The following KCNH1 variants were observed in gnomAD, a reference collection of about 807,000 sequenced individuals.
KCNH1 encodes voltage-gated delayed rectifier potassium channel KCNH1.
A neutral mutation model predicts 69.2 loss-of-function variants in KCNH1; 27 were observed. The observed-to-expected ratio is 0.39, with a 90% CI of 0.29 to 0.54. The LOEUF (loss-of-function observed/expected upper bound fraction) is 0.54, where lower values mean the gene tolerates loss of function less well. Ranked by LOEUF, KCNH1 falls within the 20% of genes least tolerant of loss-of-function variation. The pLI, the probability that KCNH1 is intolerant of heterozygous loss-of-function variation, is 0.68. For synonymous variants in KCNH1, 456 were observed against 487.7 expected (o/e 0.93, Z 0.86); for missense variants, 798 against 1,261.6 (o/e 0.63, Z 5.57).
At chr1:210,976,065 C>T (rs1386684503) in intron 6 of KCNH1, among the ~76,000 whole-genome samples, 1 of 152,182 alleles carries the variant, frequency 6.6e-6, no homozygotes, top group Non-Finnish European at 1.5e-5. Context: ...CATCTCACAC[C>T]AGTTAGAATG....
chr1:210,933,868 A>G lies in KCNH1; in HGVS notation c.1033-13799T>C, dbSNP rs140129799. Among the ~76,000 whole-genome samples, 257 of 152,306 alleles carry G rather than the reference A, an allele frequency of 1.7e-3. 1 individual carries two copies. The highest frequency in any genetic ancestry group is 5.9e-3 in the African/African-American group (247 of 41,570). On this transcript the variant is annotated intron_variant, in intron 6 of 10. Transcript: ENST00000271751. ...GACCAATGGATAGAATAAAGAACCCACAAATAAACCCATGTATTTACACCC... is the reference window on the plus strand; with the variant it reads ...GACCAATGGATAGAATAAAGAACCCGCAAATAAACCCATGTATTTACACCC...
chr1:210,805,082 G>A (rs1015634096), intron 7 of KCNH1, among the ~76,000 whole-genome samples: 2 of 152,120 alleles, frequency 1.3e-5, no homozygotes, highest in African/African-American at 4.8e-5. Context: ...GTCACCACGA[G>A]TGTGACCATG....
chr1:210,960,319 A>G (rs1444727844), intron 6 of KCNH1, among the ~76,000 whole-genome samples: 2 of 152,152 alleles, frequency 1.3e-5, no homozygotes, highest in Admixed American at 6.5e-5. Flanking sequence ...ACTGAGGTAC[A>G]GTAATTTTTG....
intron 5 of KCNH1, among the ~76,000 whole-genome samples, chr1:211,043,633 A>G (rs1280383628): frequency 5.3e-5 from 8 of 152,162 alleles, no homozygotes; most frequent in Non-Finnish European, 8.8e-5. Context: ...AAAGGACATA[A>G]CCAAAAAAGA....
At chr1:211,074,097 TAAAAAAAAAA>T (rs59971801) in intron 5 of KCNH1, among the ~76,000 whole-genome samples, 1 of 119,750 alleles carries the variant, frequency 8.4e-6, no homozygotes, top group Non-Finnish European at 1.7e-5. Context: ...TTCCACCAAT[TAAAAAAAAAA>T]AAAAAAAAAA....
chr1:211,026,376 CAAAA>C (rs34132386), intron 5 of KCNH1, among the ~76,000 whole-genome samples: 5 of 72,692 alleles, frequency 6.9e-5, no homozygotes, highest in Admixed American at 3.0e-4. Flanking sequence ...GGAGTATAGA[CAAAA>C]AAAAAAAAAA....
At position 210,859,154 on chromosome 1, in the gene KCNH1, G is replaced by A. The variant is rs1685919686; in HGVS notation, c.1463-54988C>T. 3 of 1,406,338 alleles carry A rather than the reference G, an allele frequency of 2.1e-6. No individual in the cohort carries two copies. The South Asian group carries it at 3.5e-5, about 16-fold the overall frequency. The allele number at this position is 1,406,338 out of a possible 1,614,324, so 87.1% of individuals were successfully genotyped here. ...ACAAGCTCTTCACTACAATCACACA[G>A]TAGGAAAGAAAGAGATAACTCAATT... On this transcript the variant is annotated intron_variant, in intron 7 of 10. Coordinates refer to ENST00000271751, the MANE Select transcript of KCNH1 (RefSeq NM_172362.3).
chr1:211,111,494 C>T (rs1430490758), intron 1 of KCNH1, among the ~76,000 whole-genome samples: 3 of 142,924 alleles, frequency 2.1e-5, no homozygotes, highest in Admixed American at 2.1e-4. Flanking sequence ...GAAGTGAGAA[C>T]GGCCTCTCCT....
intron 10 of KCNH1, among the ~76,000 whole-genome samples, chr1:210,705,267 C>G (rs1681880390): frequency 5.9e-5 from 9 of 152,200 alleles, no homozygotes; most frequent in Admixed American, 2.6e-4. Flanking sequence ...CCTGCAGATT[C>G]TCATTCGTCC....
At chr1:210,965,195 A>G (rs1476753944) in intron 6 of KCNH1, among the ~76,000 whole-genome samples, 2 of 152,208 alleles carry the variant, frequency 1.3e-5, no homozygotes, top group African/African-American at 4.8e-5. Flanking sequence ...AGCACGAGAC[A>G]AGGATGCCCT....
At chr1:211,034,232 A>C (rs2102425891) in intron 5 of KCNH1, among the ~76,000 whole-genome samples, 1 of 152,306 alleles carries the variant, frequency 6.6e-6, no homozygotes, top group African/African-American at 2.4e-5. Flanking sequence ...TTCTATATAT[A>C]TCATAGAGCT....
In KCNH1 at chr1:210,770,721, T is replaced by C. The variant is rs1415444657; in HGVS notation, c.2112+4627A>G. Among the ~76,000 whole-genome samples, 4 of 152,220 alleles carry C rather than the reference T, an allele frequency of 2.6e-5. No homozygotes were observed. The South Asian group carries it at 6.2e-4, about 24-fold the overall frequency. ...TTTACCGTACATGTTTCTGAGTGTA[T>C]TGGCGGTGGCAAAGGCCACTGGAGA... On this transcript the variant is annotated intron_variant, in intron 10 of 10. Coordinates refer to ENST00000271751, the MANE Select transcript of KCNH1 (RefSeq NM_172362.3).
At chr1:211,006,153 C>G (rs560973614) in intron 6 of KCNH1, among the ~76,000 whole-genome samples, 1 of 152,270 alleles carries the variant, frequency 6.6e-6, no homozygotes, top group African/African-American at 2.4e-5. Flanking sequence ...CCACTTTGTG[C>G]AAAGCACTCA....
chr1:210,786,991 C>G (rs1777258), intron 9 of KCNH1, among the ~76,000 whole-genome samples: 26,484 of 152,066 alleles, frequency 0.17, 2,403 homozygotes, highest in Non-Finnish European at 0.2. Flanking sequence ...ATTCTCCACA[C>G]AGCTGCCAGG....
intron 5 of KCNH1, among the ~76,000 whole-genome samples, chr1:211,027,030 G>A (rs1689696476): frequency 6.6e-6 from 1 of 152,078 alleles, no homozygotes; most frequent in South Asian, 2.1e-4. Context: ...CTACCCAAAT[G>A]CCAAACTTTC....
At chr1:211,103,067 T>G (rs1217039812) in intron 3 of KCNH1, among the ~76,000 whole-genome samples, 1 of 152,182 alleles carries the variant, frequency 6.6e-6, no homozygotes, top group Non-Finnish European at 1.5e-5. Flanking sequence ...GGGGACAAAC[T>G]TTTATTTAGA....
chr1:210,767,331 GA>G (rs1281935240), intron 10 of KCNH1, among the ~76,000 whole-genome samples: 1 of 152,230 alleles, frequency 6.6e-6, no homozygotes, highest in Non-Finnish European at 1.5e-5. Flanking sequence ...AGTTGAGGAA[GA>G]TGTTTAGAAA....
At chr1:210,983,677 T>C (rs560366408) in intron 6 of KCNH1, among the ~76,000 whole-genome samples, 1 of 152,328 alleles carries the variant, frequency 6.6e-6, no homozygotes, top group Non-Finnish European at 1.5e-5. Context: ...TACTGTAGCC[T>C]TGTAGTGTAG....
chr1:210,887,386 C>T (rs986712991), intron 7 of KCNH1, among the ~76,000 whole-genome samples: 2 of 152,104 alleles, frequency 1.3e-5, no homozygotes, highest in African/African-American at 4.8e-5. Context: ...ACAAGAGCTC[C>T]TGAAGGAAGC....
Sources: allele counts gnomAD v4.1 joint callset (sites outside exome capture counted in the v4.1 genomes callset), GRCh38; gene constraint gnomAD v4.1.1; transcripts MANE v1.5; gene names NCBI Gene and HGNC (gene_info 2026-07-23, HGNC 2026-07-21).